RHBDD1: variants seen among roughly 807,000 people sequenced by gnomAD.
RHBDD1 encodes rhomboid-related protein 4.
RHBDD1 carries 38 observed loss-of-function variants against 36.3 expected under a neutral mutation model. The ratio of observed to expected loss-of-function variants is 1.05; its 90% CI spans 0.81 to 1.37. RHBDD1 has a LOEUF of 1.37. Among genes scored for constraint, RHBDD1 ranks in the 40% most tolerant of loss-of-function variants. The pLI is 0.00. For synonymous variants in RHBDD1, 151 were observed against 136.5 expected, an observed-to-expected ratio of 1.11 and a Z score of -0.74; for missense variants, 393 against 377.6, an observed-to-expected ratio of 1.04 and a Z score of -0.34.
the RHBDD1 span, among the ~76,000 whole-genome samples, chr2:226,801,331 G>C: frequency 6.6e-6 from 1 of 152,198 alleles, no homozygotes; most frequent in Non-Finnish European, 1.5e-5. Context: ...GGGAAGGTGG[G>C]GGTAGAAGGG....
chr2:226,854,633 T>C (rs1046395724), intron 3 of RHBDD1, among the ~76,000 whole-genome samples: 2 of 148,384 alleles, frequency 1.3e-5, no homozygotes, highest in Non-Finnish European at 3.0e-5. Flanking sequence ...GCTTACCTAA[T>C]GTCATATAGC....
chr2:226,888,805 G>C (rs1946449566), intron 5 of RHBDD1, among the ~76,000 whole-genome samples: 1 of 151,984 alleles, frequency 6.6e-6, no homozygotes, highest in Non-Finnish European at 1.5e-5. Context: ...TCCTCAATCA[G>C]GTATTTTACA....
chr2:226,815,121 T>G, the RHBDD1 span, among the ~76,000 whole-genome samples: 2 of 152,206 alleles, frequency 1.3e-5, no homozygotes, highest in African/African-American at 4.8e-5. Flanking sequence ...AACACCATTC[T>G]TTTAAAGTGC....
At chr2:226,886,506 T>A (rs1465496649) in intron 5 of RHBDD1, among the ~76,000 whole-genome samples, 1 of 152,038 alleles carries the variant, frequency 6.6e-6, no homozygotes, top group Non-Finnish European at 1.5e-5. Context: ...GCAACTGGAG[T>A]AGGACAGTGG....
At position 226,850,565 on chromosome 2, in the gene RHBDD1, CCTT is replaced by C. The variant is rs1201515504; in HGVS notation, c.-91+10941_-91+10943del. On this transcript the variant is annotated intron_variant, in intron 3 of 8. Coordinates refer to ENST00000392062, the MANE Select transcript of RHBDD1 (RefSeq NM_001167608.3). The stretch of plus-strand genomic sequence containing the variant: ...ACAGAGAGGAGCAAAACCTAGCTGC[CCTT>C]CTGAGATGGTGCCATCCTGGTCTCA... 2.6e-5 allele frequency among the ~76,000 whole-genome samples: 4 copies of C among 151,918 alleles called. 1 individual carries two copies. The South Asian group carries it at 8.3e-4, about 32-fold the overall frequency.
At chr2:226,979,971 T>G (rs1480223699) in intron 8 of RHBDD1, among the ~76,000 whole-genome samples, 4 of 152,084 alleles carry the variant, frequency 2.6e-5, no homozygotes, top group Non-Finnish European at 4.4e-5. Flanking sequence ...TGGATTGAAT[T>G]TGGGGACAGG....
chr2:226,971,491 C>T (rs1443128786), intron 8 of RHBDD1, among the ~76,000 whole-genome samples: 1 of 152,196 alleles, frequency 6.6e-6, no homozygotes, highest in Non-Finnish European at 1.5e-5. Flanking sequence ...TTCTCTGTTA[C>T]AGCTAAGGCA....
chr2:226,874,427 A>G (rs1945042752), intron 5 of RHBDD1, among the ~76,000 whole-genome samples: 1 of 152,092 alleles, frequency 6.6e-6, no homozygotes, highest in South Asian at 2.1e-4. Flanking sequence ...CAATAACACA[A>G]ATTCCTTCTA....
chr2:226,872,029 A>T (rs147573089), intron 5 of RHBDD1, among the ~76,000 whole-genome samples: 3 of 152,318 alleles, frequency 2.0e-5, no homozygotes, highest in African/African-American at 7.2e-5. Context: ...AGGGGGAATT[A>T]TAAAGGATGA....
intron 8 of RHBDD1, among the ~76,000 whole-genome samples, chr2:226,955,293 C>A (rs1254409786): frequency 6.6e-6 from 1 of 152,172 alleles, no homozygotes; most frequent in East Asian, 1.9e-4. Flanking sequence ...GATCCTGGAA[C>A]CACGTAAGGT....
intron 5 of RHBDD1, among the ~76,000 whole-genome samples, chr2:226,896,422 A>G (rs999719078): frequency 3.9e-5 from 6 of 152,180 alleles, no homozygotes; most frequent in African/African-American, 1.4e-4. Flanking sequence ...TACATCCCAG[A>G]TCTATCTATT....
intron 8 of RHBDD1, among the ~76,000 whole-genome samples, chr2:226,914,981 T>G (rs1292668031): frequency 1.3e-5 from 2 of 152,168 alleles, no homozygotes; most frequent in Non-Finnish European, 2.9e-5. Context: ...AACTGTTCAT[T>G]TAAAGGGCAT....
the RHBDD1 span, among the ~76,000 whole-genome samples, chr2:226,816,722 C>T: frequency 3.3e-5 from 5 of 152,204 alleles, no homozygotes; most frequent in East Asian, 5.8e-4. Flanking sequence ...ATGGTAAAAC[C>T]CTGTCTCTAC....
intron 3 of RHBDD1, among the ~76,000 whole-genome samples, chr2:226,840,165 G>A (rs1941449704): frequency 6.6e-6 from 1 of 152,100 alleles, no homozygotes; most frequent in South Asian, 2.1e-4. Context: ...TGGGGGAGGG[G>A]GAGTTACTTT....
chr2:226,895,594 G>A (rs1399363207), intron 5 of RHBDD1: 3 of 816,078 alleles, frequency 3.7e-6, no homozygotes, highest in African/African-American at 1.9e-5. Context: ...GGAGATTCTT[G>A]TCCAGTTATT....
At chr2:226,987,679 G>A (rs1366044616) in intron 8 of RHBDD1, among the ~76,000 whole-genome samples, 2 of 152,226 alleles carry the variant, frequency 1.3e-5, no homozygotes, top group Admixed American at 1.3e-4. Flanking sequence ...GCCCAGGGAG[G>A]GAAGTGACCT....
intron 5 of RHBDD1, among the ~76,000 whole-genome samples, chr2:226,879,195 G>A (rs1248622870): frequency 1.3e-5 from 2 of 151,946 alleles, no homozygotes; most frequent in Non-Finnish European, 1.5e-5. Context: ...TCTAAAATAA[G>A]TTTTTATGTG....
chr2:226,965,553 A>G (rs1449203369), intron 8 of RHBDD1, among the ~76,000 whole-genome samples: 1 of 152,210 alleles, frequency 6.6e-6, no homozygotes, highest in African/African-American at 2.4e-5. Context: ...TTCTGGACAC[A>G]TTTTGCAGTA....
At chr2:226,808,554 T>A in the RHBDD1 span, 5 of 152,220 alleles carry the variant, frequency 3.3e-5, no homozygotes, top group African/African-American at 9.6e-5. Context: ...TTAGAATGAC[T>A]GAAGGCTACA....
Sources: allele counts gnomAD v4.1 joint callset (sites outside exome capture counted in the v4.1 genomes callset), GRCh38; gene constraint gnomAD v4.1.1; transcripts MANE v1.5; gene names NCBI Gene and HGNC (gene_info 2026-07-23, HGNC 2026-07-21).